PHKB: variants seen among roughly 807,000 people sequenced by gnomAD.
PHKB encodes phosphorylase kinase regulatory subunit beta.
PHKB carries 122 observed loss-of-function variants against 152.1 expected under a neutral mutation model. That is an observed-to-expected ratio of 0.80 (90% CI 0.69 to 0.93). PHKB has a LOEUF of 0.93. Ranked by LOEUF, PHKB falls within the 40% of genes least tolerant of loss-of-function variation. The pLI, the probability that PHKB is intolerant of heterozygous loss-of-function variation, is 0.00. For missense variants in PHKB, 1,304 were observed against 1,328.4 expected, an observed-to-expected ratio of 0.98 and a Z score of 0.29; for synonymous variants, 436 against 464.9, an observed-to-expected ratio of 0.94 and a Z score of 0.80.
intron 2 of PHKB, 73 bp downstream of exon 2, chr16:47,497,561 G>T: frequency 1.2e-6 from 1 of 867,168 alleles, no homozygotes; most frequent in South Asian, 1.4e-5. Flanking sequence ...GTTAAATTAT[G>T]TACATTATGT....
chr16:47,471,305 G>A (rs1191913546), intron 1 of PHKB, among the ~76,000 whole-genome samples: 1 of 152,272 alleles, frequency 6.6e-6, no homozygotes, highest in African/African-American at 2.4e-5. Flanking sequence ...TGAGAGGAAG[G>A]CCTGGGATGG....
At chr16:47,563,059 C>T (rs918885001) in intron 7 of PHKB, among the ~76,000 whole-genome samples, 3 of 151,992 alleles carry the variant, frequency 2.0e-5, no homozygotes, top group African/African-American at 4.8e-5. Flanking sequence ...TTTTATGGTC[C>T]ACTTCTAATT....
intron 6 of PHKB, chr16:47,530,043 A>G (rs949415698): frequency 6.6e-6 from 1 of 152,098 alleles, no homozygotes; most frequent in African/African-American, 2.4e-5. Flanking sequence ...AATAAAATAT[A>G]TCTACCAAAA....
intron 7 of PHKB, among the ~76,000 whole-genome samples, chr16:47,567,804 TTTCTGTTTTTTA>T (rs1405932961): frequency 6.6e-5 from 10 of 152,188 alleles, no homozygotes; most frequent in Middle Eastern, 3.2e-3. Flanking sequence ...AATCGTATGG[TTTCTGTTTTTTA>T]TTCTGTTTAT....
intron 26 of PHKB, among the ~76,000 whole-genome samples, chr16:47,674,371 C>T (rs1474344745): frequency 6.6e-6 from 1 of 152,132 alleles, no homozygotes; most frequent in Non-Finnish European, 1.5e-5. Context: ...CAAAAGTAAT[C>T]GTGGTTTTTG....
At chr16:47,678,015 C>T (rs895402532) in intron 26 of PHKB, among the ~76,000 whole-genome samples, 5 of 148,382 alleles carry the variant, frequency 3.4e-5, no homozygotes, top group Admixed American at 1.4e-4. Context: ...TGAGAACATG[C>T]GGTGTTTCCT....
At chr16:47,544,023 C>G (rs1176865714) in intron 6 of PHKB, among the ~76,000 whole-genome samples, 1 of 152,082 alleles carries the variant, frequency 6.6e-6, no homozygotes, top group Non-Finnish European at 1.5e-5. Context: ...TTTTGTTGAT[C>G]TTTTCAAAAA....
intron 4 of PHKB, among the ~76,000 whole-genome samples, chr16:47,510,377 A>G (rs555635033): frequency 8.5e-5 from 13 of 152,298 alleles, no homozygotes; most frequent in African/African-American, 2.4e-4. Context: ...TCCTCTGTCA[A>G]TCAGTCCCCC....
At chr16:47,538,989 T>C (rs1971002718) in intron 6 of PHKB, among the ~76,000 whole-genome samples, 1 of 152,240 alleles carries the variant, frequency 6.6e-6, no homozygotes, top group South Asian at 2.1e-4. Context: ...GGCAGATGCA[T>C]GTATTCAGTT....
At chr16:47,469,243 G>C (rs1390912600) in intron 1 of PHKB, among the ~76,000 whole-genome samples, 2 of 152,156 alleles carry the variant, frequency 1.3e-5, no homozygotes, top group Non-Finnish European at 2.9e-5. Context: ...GAGAGACAGT[G>C]TCATAATATG....
At chr16:47,500,811 C>A (rs1302511507) in intron 3 of PHKB, among the ~76,000 whole-genome samples, 1 of 151,998 alleles carries the variant, frequency 6.6e-6, no homozygotes, top group African/African-American at 2.4e-5. Context: ...TACATTTTAA[C>A]CATAATTAAG....
intron 28 of PHKB, among the ~76,000 whole-genome samples, chr16:47,693,887 C>T (rs979729919): frequency 1.3e-5 from 2 of 152,214 alleles, no homozygotes; most frequent in Non-Finnish European, 1.5e-5. Context: ...CCTTTGTTTA[C>T]TTACCAGCTT....
intron 28 of PHKB, among the ~76,000 whole-genome samples, chr16:47,693,969 G>A (rs1460332443): frequency 6.6e-6 from 1 of 152,216 alleles, no homozygotes; most frequent in East Asian, 1.9e-4. Context: ...GTGGGTCAGT[G>A]CTGGGGGGCC....
intron 25 of PHKB, among the ~76,000 whole-genome samples, chr16:47,667,601 T>C (rs1004858473): frequency 6.6e-6 from 1 of 152,218 alleles, no homozygotes; most frequent in African/African-American, 2.4e-5. Flanking sequence ...ACCAGAATTC[T>C]CACCTCCAGC....
At chr16:47,550,662 G>C (rs1007193938) in intron 7 of PHKB, among the ~76,000 whole-genome samples, 1 of 152,138 alleles carries the variant, frequency 6.6e-6, no homozygotes, top group African/African-American at 2.4e-5. Flanking sequence ...AATCCATTTT[G>C]TCCTGGGCTT....
At chr16:47,476,298 C>T (rs937998618) in intron 1 of PHKB, among the ~76,000 whole-genome samples, 1 of 151,620 alleles carries the variant, frequency 6.6e-6, no homozygotes, top group African/African-American at 2.4e-5. Context: ...GTATTTCTAA[C>T]AGAAATTATT....
chr16:47,471,000 C>T (rs1969756917), intron 1 of PHKB, among the ~76,000 whole-genome samples: 1 of 152,184 alleles, frequency 6.6e-6, no homozygotes, highest in Admixed American at 6.5e-5. Context: ...TCTCCTTGTA[C>T]AATCACCCTA....
At chr16:47,607,619 A>G (rs912122947) in intron 13 of PHKB, among the ~76,000 whole-genome samples, 1 of 152,220 alleles carries the variant, frequency 6.6e-6, no homozygotes, top group Non-Finnish European at 1.5e-5. Context: ...CTTCTTAGCT[A>G]TTATGAATAA....
At position 47,699,230 on chromosome 16, in the gene PHKB, A is replaced by T. The variant is rs1449905549; in HGVS notation, c.3146A>T (p.Asp1049Val). ...QSRLKEIEKQ[D>V]DMTSFYNTPP... The stretch of plus-strand genomic sequence containing the variant: ...CTTGCCTACTGTTTTCCTTTGTAGG[A>T]TGACATGACTTCCTTTTACAACACT... The change falls in exon 31 of 31, where the codon GAT becomes GTT. Residue 1049 changes from aspartate (D) to valine (V), a missense_variant and splice_region_variant. Physicochemically the swap from Asp to Val is radical, Grantham distance 152. Coordinates refer to ENST00000323584, the MANE Select transcript of PHKB (RefSeq NM_000293.3). 1.2e-6 allele frequency: 2 copies of T among 1,614,090 alleles called. No homozygotes were observed. The highest frequency in any genetic ancestry group is 1.7e-6 in the Non-Finnish European group (2 of 1,179,966).
Sources: allele counts gnomAD v4.1 joint callset (sites outside exome capture counted in the v4.1 genomes callset), GRCh38; gene constraint gnomAD v4.1.1; transcripts MANE v1.5; gene names NCBI Gene and HGNC (gene_info 2026-07-23, HGNC 2026-07-21).